The following CLNK variants were observed in gnomAD, a reference collection of about 807,000 sequenced individuals.
The protein encoded by CLNK is cytokine-dependent hematopoietic cell linker.
In CLNK, 74 loss-of-function variants were observed where a neutral mutation model predicts 68.6. That is an observed-to-expected ratio of 1.08 (90% CI 0.89 to 1.31). The LOEUF (loss-of-function observed/expected upper bound fraction) is 1.31, where lower values mean the gene tolerates loss of function less well. Among genes scored for constraint, CLNK ranks in the 50% most tolerant of loss-of-function variants. The pLI is 0.00. For synonymous variants in CLNK, 198 were observed against 172.2 expected, an observed-to-expected ratio of 1.15 and a Z score of -1.17; for missense variants, 553 against 515.3, an observed-to-expected ratio of 1.07 and a Z score of -0.71.
chr4:10,722,046 C>T, the CLNK span, among the ~76,000 whole-genome samples: 93 of 152,240 alleles, frequency 6.1e-4, no homozygotes, highest in East Asian at 6.6e-3. Context: ...AGGTGGCATA[C>T]GACTGTAATC....
chr4:10,671,896 T>C (rs1295662984), intron 1 of CLNK, among the ~76,000 whole-genome samples: 1 of 152,236 alleles, frequency 6.6e-6, no homozygotes, highest in African/African-American at 2.4e-5. Context: ...CCCAACTTAG[T>C]TGCCCTCACC....
chr4:10,540,679 G>A (rs903497592), intron 10 of CLNK, 75 bp from the exon 11 acceptor site: 4 of 993,738 alleles, frequency 4.0e-6, no homozygotes, highest in Non-Finnish European at 6.4e-6. Context: ...AATCCACACT[G>A]CTCTGCCCTC....
At chr4:10,586,835 T>C (rs1297870465) in intron 3 of CLNK, among the ~76,000 whole-genome samples, 1 of 152,248 alleles carries the variant, frequency 6.6e-6, no homozygotes, top group Non-Finnish European at 1.5e-5. Flanking sequence ...GGCACTTGAT[T>C]CCGCATTTTA....
At chr4:10,587,766 C>G (rs948586395) in intron 3 of CLNK, among the ~76,000 whole-genome samples, 1 of 152,114 alleles carries the variant, frequency 6.6e-6, no homozygotes, top group Non-Finnish European at 1.5e-5. Context: ...ATCCACAGAG[C>G]CTCTAAGAGT....
chr4:10,722,455 A>G, the CLNK span, among the ~76,000 whole-genome samples: 5 of 152,122 alleles, frequency 3.3e-5, no homozygotes, highest in Non-Finnish European at 5.9e-5. Context: ...CTCCACAAGA[A>G]TGTCCTTTCT....
At chr4:10,687,802 C>T (rs986889647), upstream of CLNK, among the ~76,000 whole-genome samples, 8 of 152,146 alleles carry the variant, frequency 5.3e-5, no homozygotes, top group African/African-American at 1.7e-4. Context: ...CCCTTGCGTT[C>T]ATCTTCTCTT....
chr4:10,655,806 C>T (rs1011606298), intron 2 of CLNK, among the ~76,000 whole-genome samples: 2 of 151,852 alleles, frequency 1.3e-5, no homozygotes, highest in African/African-American at 4.8e-5. Flanking sequence ...CCCACCACCA[C>T]GCCCAGCTAG....
At chr4:10,642,296 G>A (rs574474406) in intron 2 of CLNK, among the ~76,000 whole-genome samples, 1 of 152,260 alleles carries the variant, frequency 6.6e-6, no homozygotes, top group East Asian at 1.9e-4. Flanking sequence ...TGCAGAGATG[G>A]CCGAGATATT....
intron 2 of CLNK, among the ~76,000 whole-genome samples, chr4:10,613,642 C>T (rs1722118399): frequency 6.6e-6 from 1 of 152,040 alleles, no homozygotes; most frequent in African/African-American, 2.4e-5. Context: ...ATAGGTATGT[C>T]ATTGAGGGAT....
intron 11 of CLNK, among the ~76,000 whole-genome samples, chr4:10,540,137 T>C (rs1718954334): frequency 6.6e-6 from 1 of 152,178 alleles, no homozygotes; most frequent in Admixed American, 6.5e-5. Flanking sequence ...GTTTCCCCTA[T>C]GCTGTTCCCA....
At chr4:10,600,495 A>G (rs527927445) in intron 2 of CLNK, among the ~76,000 whole-genome samples, 3 of 152,290 alleles carry the variant, frequency 2.0e-5, no homozygotes, top group Admixed American at 6.5e-5. Context: ...AAGCAAGTAA[A>G]CAATATAATA....
chr4:10,708,655 T>C, the CLNK span, among the ~76,000 whole-genome samples: 1 of 152,188 alleles, frequency 6.6e-6, no homozygotes, highest in Non-Finnish European at 1.5e-5. Context: ...AGACCATTGA[T>C]AGTTCAGGGA....
chr4:10,572,911 C>A (rs7696635), intron 4 of CLNK, among the ~76,000 whole-genome samples: 23,547 of 152,188 alleles, frequency 0.15, 1,903 homozygotes, highest in African/African-American at 0.18. Context: ...TCACTGCAAC[C>A]TCCACCTCCT....
chr4:10,680,839 G>A (rs922854386), intron 1 of CLNK, among the ~76,000 whole-genome samples: 5 of 152,132 alleles, frequency 3.3e-5, no homozygotes, highest in Admixed American at 6.6e-5. Flanking sequence ...ATGTCTCAAC[G>A]ACTGGATGGC....
At chr4:10,588,043 G>T (rs1031435248) in intron 3 of CLNK, among the ~76,000 whole-genome samples, 1 of 152,160 alleles carries the variant, frequency 6.6e-6, no homozygotes, top group African/African-American at 2.4e-5. Context: ...TGATGTCTTG[G>T]TCTTTGATTA....
intron 2 of CLNK, among the ~76,000 whole-genome samples, chr4:10,632,459 C>G (rs1722929542): frequency 1.3e-5 from 2 of 152,256 alleles, no homozygotes; most frequent in African/African-American, 4.8e-5. Flanking sequence ...CCACGCATAT[C>G]AGACTATACA....
At chr4:10,690,093 A>C in the CLNK span, among the ~76,000 whole-genome samples, 1 of 152,128 alleles carries the variant, frequency 6.6e-6, no homozygotes, top group South Asian at 2.1e-4. Context: ...TGAGTTAGAC[A>C]ATTTTCATGG....
the CLNK span, among the ~76,000 whole-genome samples, chr4:10,724,482 G>GT: frequency 3.2e-3 from 472 of 146,396 alleles, no homozygotes; most frequent in African/African-American, 8.0e-3. Context: ...TTTTTAGTTA[G>GT]TTTTTTTTTT....
chr4:10,499,258 G>A (rs754003482), intron 18 of CLNK, among the ~76,000 whole-genome samples: 19 of 152,222 alleles, frequency 1.2e-4, no homozygotes, highest in Non-Finnish European at 1.8e-4. Flanking sequence ...GGCAGGACTT[G>A]TGTCAGGAAT....
Sources: gnomAD v4.1 joint callset for allele counts (sites outside exome capture counted in the v4.1 genomes callset) on GRCh38, gnomAD v4.1.1 for gene constraint, MANE v1.5 for transcripts, NCBI Gene and HGNC (gene_info 2026-07-23, HGNC 2026-07-21) for gene names.